The following HAAO variants were observed in gnomAD, a reference collection of about 807,000 sequenced individuals.
HAAO encodes the protein 3-hydroxyanthranilate oxygenase.
Under a neutral mutation model 46.2 loss-of-function variants are expected in HAAO, and 49 were observed. The observed-to-expected ratio is 1.06, with a 90% CI of 0.84 to 1.34. The LOEUF (loss-of-function observed/expected upper bound fraction) is 1.34. Ranked by LOEUF, HAAO falls within the 40% of genes most tolerant of loss-of-function variation. The probability of loss-of-function intolerance (pLI) is 0.00; values close to 1 mark genes in which losing one functional copy is unlikely to be tolerated. For missense variants in HAAO, 408 were observed against 364.5 expected, an observed-to-expected ratio of 1.12 and a Z score of -0.97; for synonymous variants, 157 against 145.2, an observed-to-expected ratio of 1.08 and a Z score of -0.58.
At chr2:42,777,651 A>C (rs1034411698) in intron 4 of HAAO, among the ~76,000 whole-genome samples, 1 of 152,198 alleles carries the variant, frequency 6.6e-6, no homozygotes, top group Non-Finnish European at 1.5e-5. Context: ...TTTTAGAAAT[A>C]ATCTAAGTAA....
chr2:42,773,779 G>C (rs904360292), intron 4 of HAAO, among the ~76,000 whole-genome samples: 4 of 152,006 alleles, frequency 2.6e-5, no homozygotes, highest in Non-Finnish European at 4.4e-5. Flanking sequence ...GTAGAAATGG[G>C]GTTTCACCAT....
chr2:42,767,841 G>A lies in HAAO; in HGVS notation c.699+19C>T. On this transcript the variant is annotated intron_variant, in intron 8 of 9. Coordinates refer to ENST00000294973, the MANE Select transcript of HAAO (RefSeq NM_012205.3). ...CTCTGGCAGGGGGTTCTGCAACCCT[G>A]TCCCTGGGCCCCACTTGCCAGCTGC... is the stretch of plus-strand genomic sequence containing the variant. 8.1e-6 allele frequency: 13 copies of A among 1,612,394 alleles called. No individual in the cohort carries two copies. Among genetic ancestry groups the A allele is most frequent in the Non-Finnish European group, 1.1e-5 (13 of 1,178,440 alleles).
Position 42,792,436 on chromosome 2 carries a change from C to T in HAAO, c.80+21G>A, listed in dbSNP as rs201213994. 1.4e-4 allele frequency: 199 copies of T among 1,470,074 alleles called. 1 individual carries two copies. The African/African-American group carries it at 2.5e-3, about 19-fold the overall frequency. 91.1% of individuals were successfully genotyped at this position (1,470,074 alleles called of 1,614,324 possible). ...GGGAGGAGGCGAGGGCAGGGGGCGGCCATGGGGGTGCTGGACTCACATGAG... is the reference window on the plus strand; with the variant it reads ...GGGAGGAGGCGAGGGCAGGGGGCGGTCATGGGGGTGCTGGACTCACATGAG... On this transcript the variant is annotated intron_variant, in intron 1 of 9. Transcript: ENST00000294973.
intron 1 of HAAO, among the ~76,000 whole-genome samples, chr2:42,789,667 C>T (rs901436311): frequency 6.6e-6 from 1 of 152,222 alleles, no homozygotes; most frequent in African/African-American, 2.4e-5. Context: ...ATGACTGAAC[C>T]TGAGCCAGGT....
chr2:42,775,246 GAAAAAAAAAA>G, intron 4 of HAAO, among the ~76,000 whole-genome samples: 1 of 69,178 alleles, frequency 1.4e-5, no homozygotes, highest in East Asian at 4.3e-4. Context: ...GACTGTCATG[GAAAAAAAAAA>G]AAAAAAAAAA....
chr2:42,790,714 C>T (rs10180893), intron 1 of HAAO, among the ~76,000 whole-genome samples: 121,540 of 151,846 alleles, frequency 0.8, 49,009 homozygotes, highest in Middle Eastern at 0.93. Context: ...GTATTTTTAG[C>T]AGAGACGGGG....
At chr2:42,784,375 G>A (rs1672237523) in intron 2 of HAAO, among the ~76,000 whole-genome samples, 1 of 152,104 alleles carries the variant, frequency 6.6e-6, no homozygotes, top group Admixed American at 6.5e-5. Context: ...CCGCAGCTTG[G>A]ATCCAAGGCC....
intron 4 of HAAO, among the ~76,000 whole-genome samples, chr2:42,777,751 G>A (rs1342112768): frequency 1.3e-5 from 2 of 151,882 alleles, no homozygotes; most frequent in Non-Finnish European, 1.5e-5. Context: ...TTAAATAATA[G>A]ATATTTCATT....
At chr2:42,771,490 G>A (rs545128319) in intron 4 of HAAO, among the ~76,000 whole-genome samples, 1 of 151,398 alleles carries the variant, frequency 6.6e-6, no homozygotes, top group Non-Finnish European at 1.5e-5. Flanking sequence ...ATGTCCCCCA[G>A]TTTAGGGGTT....
intron 4 of HAAO, among the ~76,000 whole-genome samples, chr2:42,771,241 A>G (rs1315726825): frequency 6.6e-6 from 1 of 151,790 alleles, no homozygotes; most frequent in Non-Finnish European, 1.5e-5. Flanking sequence ...ATAAATAAAT[A>G]CAAAAAATAG....
intron 4 of HAAO, among the ~76,000 whole-genome samples, chr2:42,779,023 G>C (rs1275186153): frequency 2.0e-5 from 3 of 152,120 alleles, no homozygotes; most frequent in Admixed American, 6.6e-5. Context: ...TGAGGCAGGA[G>C]AATCACCTGG....
intron 4 of HAAO, among the ~76,000 whole-genome samples, chr2:42,780,428 G>A (rs923819888): frequency 1.3e-5 from 2 of 151,734 alleles, no homozygotes; most frequent in Non-Finnish European, 2.9e-5. Context: ...GAATGGTCTC[G>A]ATCTCTTGAC....
At position 42,767,351 on chromosome 2, in the gene HAAO, A is replaced by C. The variant is rs1670737920; in HGVS notation, c.*86T>G. 3 of 859,984 alleles carry C rather than the reference A, an allele frequency of 3.5e-6. No individual in the cohort carries two copies. Among genetic ancestry groups the C allele is most frequent in the Middle Eastern group, 3.2e-4 (1 of 3,104 alleles). 53.3% of individuals were successfully genotyped at this position (859,984 alleles called of 1,614,324 possible). A position where few individuals can be genotyped will look rare whatever the true frequency, so the allele number is the denominator to read the frequency against. On this transcript the variant is annotated 3_prime_UTR_variant, in exon 10 of 10. Coordinates refer to ENST00000294973, the MANE Select transcript of HAAO (RefSeq NM_012205.3). ...ACACAGCGGCAGTACACAGAGAGGT[A>C]GTGGGGGCTGGGAGAGTTGTTTGGC...
intron 4 of HAAO, among the ~76,000 whole-genome samples, chr2:42,777,303 CAAAAAAAAAAAA>C (rs1215772853): frequency 2.5e-5 from 1 of 40,238 alleles, no homozygotes; most frequent in Non-Finnish European, 4.7e-5. Flanking sequence ...ACTCTTATCG[CAAAAAAAAAAAA>C]AAAAAAAAGA....
At chr2:42,767,558 C>G (rs761124947) in intron 9 of HAAO, 37 bp downstream of exon 9, 2 of 1,591,300 alleles carry the variant, frequency 1.3e-6, no homozygotes, top group South Asian at 2.3e-5. Context: ...GAGTTGGACC[C>G]TGAGGATCCC....
chr2:42,774,739 C>T (rs935155749), intron 4 of HAAO, among the ~76,000 whole-genome samples: 9 of 152,162 alleles, frequency 5.9e-5, no homozygotes, highest in South Asian at 4.2e-4. Flanking sequence ...CCCATTAGAG[C>T]GCTCAGTGAT....
At chr2:42,779,154 T>C (rs1671805310) in intron 4 of HAAO, among the ~76,000 whole-genome samples, 1 of 152,132 alleles carries the variant, frequency 6.6e-6, no homozygotes, top group South Asian at 2.1e-4. Context: ...TATAAATTAG[T>C]CATTAATGTC....
At chr2:42,772,203 G>A (rs115373750) in intron 4 of HAAO, among the ~76,000 whole-genome samples, 108 of 152,256 alleles carry the variant, frequency 7.1e-4, no homozygotes, top group Non-Finnish European at 9.7e-4. Context: ...ATACTCGGCC[G>A]AATGTGGTGG....
At chr2:42,777,092 A>G (rs1671636946) in intron 4 of HAAO, among the ~76,000 whole-genome samples, 1 of 151,840 alleles carries the variant, frequency 6.6e-6, no homozygotes, top group Admixed American at 6.6e-5. Context: ...ACCTGAGATC[A>G]GGGGTTTGAG....
Sources: allele counts gnomAD v4.1 joint callset (sites outside exome capture counted in the v4.1 genomes callset), GRCh38; gene constraint gnomAD v4.1.1; transcripts MANE v1.5; gene names NCBI Gene and HGNC (gene_info 2026-07-23, HGNC 2026-07-21).